The following TENT5A variants were observed in gnomAD, a reference collection of about 807,000 sequenced individuals.
TENT5A encodes terminal nucleotidyltransferase 5A, also known as HBV X-transactivated gene 11 protein.
TENT5A carries 9 observed loss-of-function variants against 30.2 expected under a neutral mutation model. That is an observed-to-expected ratio of 0.30 (90% CI 0.18 to 0.52). The LOEUF is 0.52. Ranked by LOEUF, TENT5A falls within the 20% of genes least tolerant of loss-of-function variation. TENT5A has a pLI of 0.97. For missense variants in TENT5A, 411 were observed against 566.1 expected (o/e 0.73, Z 2.78); for synonymous variants, 264 against 234.2 (o/e 1.13, Z -1.16).
chr6:81,749,180 G>A lies in TENT5A; in HGVS notation c.*515C>T, dbSNP rs1461794765. The A allele has an allele frequency of 1.0e-6, 1 of 985,874 alleles. No individual in the cohort carries two copies. Among genetic ancestry groups the A allele is most frequent in the Non-Finnish European group, 1.2e-6 (1 of 830,052 alleles). 61.1% of individuals were successfully genotyped at this position (985,874 alleles called of 1,614,324 possible). A position where few individuals can be genotyped will look rare whatever the true frequency, so the allele number is the denominator to read the frequency against. On this transcript the variant is annotated 3_prime_UTR_variant, in exon 3 of 3. Coordinates refer to ENST00000320172, the MANE Select transcript of TENT5A (RefSeq NM_017633.3). Reference sequence around the variant, plus strand: ...ATTCCACAGAAAGCACTTGCTACAAGCCTCAGACAGTAATCCCAACGTTGG... The same window carrying A: ...ATTCCACAGAAAGCACTTGCTACAAACCTCAGACAGTAATCCCAACGTTGG...
chr6:81,749,915 A>G lies in TENT5A; in HGVS notation c.1109T>C (p.Met370Thr). The G allele has an allele frequency of 6.2e-7, 1 of 1,614,150 alleles. No individual in the cohort carries two copies. The highest frequency in any genetic ancestry group is 8.5e-7 in the Non-Finnish European group (1 of 1,180,008). The change falls in exon 3 of 3, where the codon ATG (methionine) becomes ACG (threonine). Residue 370 changes from methionine to threonine, a missense_variant. Met to Thr is a moderately conservative substitution (Grantham distance 81). Around this residue, in one of 5 missense-constraint regions of TENT5A, gnomAD observed 135 missense variants for 240.0 expected, o/e 0.56. Coordinates refer to ENST00000320172, the MANE Select transcript of TENT5A (RefSeq NM_017633.3). The part of the protein sequence containing the change: ...GVVNESTVCL[M>T]GHERRQTLNL... ...TAAAGTCTGTCTTCTTTCATGTCCCATCAGGCACACTGTGCTCTCATTTAC... is the reference window on the plus strand; with the variant it reads ...TAAAGTCTGTCTTCTTTCATGTCCCGTCAGGCACACTGTGCTCTCATTTAC...
In TENT5A at chr6:81,751,803, A is replaced by G. The variant is rs3186631; in HGVS notation, c.339T>C (p.Ile113=). Residue 113 remains isoleucine (I), a synonymous_variant, in exon 2 of 3, where the codon ATT becomes ATC. Transcript: ENST00000320172. The part of the protein sequence containing the change: ...VVRRRLAEKR[I]GVRDVRLNGS... Reference sequence around the variant, plus strand: ...CGTTGAGGCGCACGTCGCGGACGCCAATGCGCTTCTCGGCCAGGCGCCGCC... The same window carrying G: ...CGTTGAGGCGCACGTCGCGGACGCCGATGCGCTTCTCGGCCAGGCGCCGCC... 0.079 allele frequency: 126,845 copies of G among 1,612,740 alleles called. 6,365 individuals carry two copies. The highest frequency in any genetic ancestry group is 0.23 in the African/African-American group (17,052 of 74,980).
rs553883265 is a variant in TENT5A, at chr6:81,749,314, T to A, written c.*381A>T. ...CGTATTTTCCCTTTTATGAATTCCA[T>A]CTTAAAAGAAACTTTCCACTTTTTT... On this transcript the variant is annotated 3_prime_UTR_variant, in exon 3 of 3. Transcript: ENST00000320172. The A allele has an allele frequency of 2.0e-5, 20 of 1,006,900 alleles. No individual in the cohort carries two copies. The African/African-American group carries it at 3.1e-4, about 16-fold the overall frequency. The allele number at this position is 1,006,900 out of a possible 1,614,324, so 62.4% of individuals were successfully genotyped here.
chr6:81,751,471 C>A, intron 2 of TENT5A, 119 bp downstream of exon 2: 3 of 914,770 alleles, frequency 3.3e-6, no homozygotes, highest in Non-Finnish European at 3.4e-6. Context: ...AGAAATAACG[C>A]GCGCCCAAAC....
rs974475067 is a variant in TENT5A, at chr6:81,746,328, G to A, written c.*3367C>T. ...AGTTCACAATATTTATTTAACAAGC[G>A]TTGCATTGAAAACAACTTTATGCAC... On this transcript the variant is annotated 3_prime_UTR_variant, in exon 3 of 3. Coordinates refer to ENST00000320172, the MANE Select transcript of TENT5A (RefSeq NM_017633.3). 3.4e-5 allele frequency: 41 copies of A among 1,222,552 alleles called. No homozygotes were observed. In the Admixed American group the frequency reaches 1.0e-3, roughly 31 times the overall value. 75.7% of individuals were successfully genotyped at this position (1,222,552 alleles called of 1,614,324 possible).
chr6:81,752,014 C>CCGAAGTCGCCGCCGG lies in TENT5A; in HGVS notation c.127_128insCCGGCGGCGACTTCG (p.Phe42_Gly43insAlaGlyGlyAspPhe), dbSNP rs779397327. On this transcript the variant is annotated inframe_insertion, in exon 2 of 3. Transcript: ENST00000320172. ...ATGCCCACCGAAGCTGCCGCCACCG[C>CCGAAGTCGCCGCCGG]CGAAGTCGCCGCCGCCGAAGTCGCC... 7.1e-6 allele frequency: 8 copies of CCGAAGTCGCCGCCGG among 1,130,068 alleles called. No homozygotes were observed. The highest frequency in any genetic ancestry group is 1.7e-5 in the South Asian group (1 of 57,440). 70.0% of individuals were successfully genotyped at this position (1,130,068 alleles called of 1,614,324 possible).
Position 81,750,834 on chromosome 6 carries a change from C to G in TENT5A, c.553-363G>C, listed in dbSNP as rs1769015949. 6.6e-6 allele frequency among the ~76,000 whole-genome samples: 1 copy of G among 152,216 alleles called. No individual in the cohort carries two copies. The highest frequency in any genetic ancestry group is 6.5e-5 in the Admixed American group (1 of 15,280). On this transcript the variant is annotated intron_variant, in intron 2 of 2. Transcript: ENST00000320172. The surrounding 1 kb of genome is among the most constrained non-coding windows in gnomAD (Gnocchi z 4.2). ...ACAACATTCAAAAGACTCGGAAGGG[C>G]ATTCAGCGGTAGGTTAGTCAGCCTC...
rs1363970003 is a variant in TENT5A at position 81,750,226 on chromosome 6, G to A, written c.798C>T (p.Gly266=). The change falls in exon 3 of 3, where the codon GGC becomes GGT. Residue 266 remains glycine (G), a synonymous_variant. Transcript: ENST00000320172. The surrounding 1 kb of genome is among the most constrained non-coding windows in gnomAD (Gnocchi z 4.2). ...HPTIIGESVY[G]DFQEAFDHLC... ...GGTGATCAAAGGCTTCCTGGAAATC[G>A]CCATAGACGCTCTCCCCGATTATTG... The A allele has an allele frequency of 5.0e-6, 8 of 1,614,118 alleles. No homozygotes were observed. Among genetic ancestry groups the A allele is most frequent in the Non-Finnish European group, 6.8e-6 (8 of 1,180,014 alleles).
In TENT5A at chr6:81,745,877, G is replaced by A. The variant is rs1418584727; in HGVS notation, c.*3818C>T. The A allele has an allele frequency of 2.7e-5, 27 of 985,344 alleles. No homozygotes were observed. Among genetic ancestry groups the A allele is most frequent in the South Asian group, 4.7e-5 (1 of 21,284 alleles). The allele number at this position is 985,344 out of a possible 1,614,324, so 61.0% of individuals were successfully genotyped here. On this transcript the variant is annotated 3_prime_UTR_variant, in exon 3 of 3. Coordinates refer to ENST00000320172, the MANE Select transcript of TENT5A (RefSeq NM_017633.3). ...CATCAACTCCTTTTCTGCCTGTGACGCAGCCTATAGTCAAAATATTCCAAA... is the reference window on the plus strand; with the variant it reads ...CATCAACTCCTTTTCTGCCTGTGACACAGCCTATAGTCAAAATATTCCAAA...
rs1768908369 is a variant in TENT5A, at chr6:81,747,391, A to C, written c.*2304T>G. The C allele has an allele frequency of 2.0e-6, 2 of 985,784 alleles. No homozygotes were observed. Among genetic ancestry groups the C allele is most frequent in the Admixed American group, 1.2e-4 (2 of 16,266 alleles). 61.1% of individuals were successfully genotyped at this position (985,784 alleles called of 1,614,324 possible). Reference sequence around the variant, plus strand: ...GTGAGGGAGACTGAGCCAAGATGGTAGTAGGAGGAGTTCCTTAGAAAACTG... The same window carrying C: ...GTGAGGGAGACTGAGCCAAGATGGTCGTAGGAGGAGTTCCTTAGAAAACTG... On this transcript the variant is annotated 3_prime_UTR_variant, in exon 3 of 3. Coordinates refer to ENST00000320172, the MANE Select transcript of TENT5A (RefSeq NM_017633.3).
Position 81,750,046 on chromosome 6 carries a change from G to A in TENT5A, c.978C>T (p.Phe326=), listed in dbSNP as rs1481377769. 1 of 1,614,192 alleles carries A rather than the reference G, an allele frequency of 6.2e-7. No individual in the cohort carries two copies. The highest frequency in any genetic ancestry group is 8.5e-7 in the Non-Finnish European group (1 of 1,180,028). ...TTCTCTGCTGCTCTCCAATGTCTGA[G>A]AAGTCGATGAAAAACCTGGAACACA... ...RYMCSRFFID[F]SDIGEQQRKL... Residue 326 remains phenylalanine, a synonymous_variant, in exon 3 of 3, where the codon TTC becomes TTT. Transcript: ENST00000320172. This position sits in a 1 kb window ranked among gnomAD's most constrained non-coding sequence, Gnocchi z 4.2.
Position 81,748,341 on chromosome 6 carries a change from CCAAA to C in TENT5A, c.*1350_*1353del, listed in dbSNP as rs919825857. 4 of 981,558 alleles carry C rather than the reference CCAAA, an allele frequency of 4.1e-6. No individual in the cohort carries two copies. Among genetic ancestry groups the C allele is most frequent in the Admixed American group, 6.3e-5 (1 of 15,884 alleles). 60.8% of individuals were successfully genotyped at this position (981,558 alleles called of 1,614,324 possible). A position where few individuals can be genotyped will look rare whatever the true frequency, so the allele number is the denominator to read the frequency against. ...GTTCAATATAAAAAAGAGTGCTCTG[CCAAA>C]CAAATATTCTCCCATTTGTGGAATT... On this transcript the variant is annotated 3_prime_UTR_variant, in exon 3 of 3. Transcript: ENST00000320172.
rs921563191 is a variant in TENT5A at position 81,752,654 on chromosome 6, C to T, written c.-261G>A. 8 of 717,970 alleles carry T rather than the reference C, an allele frequency of 1.1e-5. No homozygotes were observed. The highest frequency in any genetic ancestry group is 5.2e-5 in the African/African-American group (3 of 57,260). The allele number at this position is 717,970 out of a possible 1,614,324, so 44.5% of individuals were successfully genotyped here. A position where few individuals can be genotyped will look rare whatever the true frequency, so the allele number is the denominator to read the frequency against. ...GGCGGCTCTTGCTGCCACACACGCT[C>T]GTGTCTCTGGAGCTTTAGCAGTTGT... On this transcript the variant is annotated 5_prime_UTR_variant, in exon 1 of 3. Coordinates refer to ENST00000320172, the MANE Select transcript of TENT5A (RefSeq NM_017633.3).
chr6:81,751,569 G>C, intron 2 of TENT5A, 21 bp downstream of exon 2: 1 of 1,582,548 alleles, frequency 6.3e-7, no homozygotes, highest in East Asian at 2.2e-5. Flanking sequence ...CAGGACCCAA[G>C]TGCATCTCGG....
intron 2 of TENT5A, among the ~76,000 whole-genome samples, 190 bp downstream of exon 2, chr6:81,751,400 A>T (rs984624768): frequency 6.6e-6 from 1 of 152,176 alleles, no homozygotes; most frequent in African/African-American, 2.4e-5. Context: ...CATCAAGTAA[A>T]CTGAAACACT....
Position 81,749,645 on chromosome 6 carries a change from C to CT in TENT5A, c.*49dup. Reference sequence around the variant, plus strand: ...TTTTTTTTCTTTTTTTTTTTTTTCTCTCCTGTCTTGTCTGAAATGGCTTCC... The same window carrying CT: ...TTTTTTTTCTTTTTTTTTTTTTTCTCTTCCTGTCTTGTCTGAAATGGCTTCC... On this transcript the variant is annotated 3_prime_UTR_variant, in exon 3 of 3. Transcript: ENST00000320172. 1 of 1,361,586 alleles carries CT rather than the reference C, an allele frequency of 7.3e-7. No homozygotes were observed. Among genetic ancestry groups the CT allele is most frequent in the South Asian group, 1.8e-5 (1 of 55,986 alleles). The allele number at this position is 1,361,586 out of a possible 1,614,324, so 84.3% of individuals were successfully genotyped here.
At position 81,748,386 on chromosome 6, in the gene TENT5A, GA is replaced by G. The variant is rs1171685213; in HGVS notation, c.*1308del. The stretch of plus-strand genomic sequence containing the variant: ...TTGTGGAATTTTATGGCTCACCAAA[GA>G]AAAAAAAAAAAAGAAAAAAAAATCC... On this transcript the variant is annotated 3_prime_UTR_variant, in exon 3 of 3. Transcript: ENST00000320172. The G allele has an allele frequency of 0.052, 32,014 of 621,132 alleles. 12 individuals carry two copies. The highest frequency in any genetic ancestry group is 0.059 in the African/African-American group (1,903 of 32,296). The allele number at this position is 621,132 out of a possible 1,614,324, so 38.5% of individuals were successfully genotyped here.
In TENT5A at chr6:81,751,953, G is replaced by A. The variant is rs1310109473; in HGVS notation, c.189C>T (p.Cys63=). 3.1e-6 allele frequency: 5 copies of A among 1,612,140 alleles called. No homozygotes were observed. In the South Asian group the frequency reaches 4.4e-5, roughly 14 times the overall value. The part of the protein sequence containing the change: ...LDYCESPTAH[C]NVLNWEQVQR... ...GCACTTGCTCCCAGTTCAGCACATT[G>A]CAGTGCGCCGTAGGGCTTTCGCAAT... The change falls in exon 2 of 3, where the codon TGC becomes TGT. Residue 63 remains cysteine, a synonymous_variant. Coordinates refer to ENST00000320172, the MANE Select transcript of TENT5A (RefSeq NM_017633.3).
chr6:81,749,260 C>T lies in TENT5A; in HGVS notation c.*435G>A. 7 of 990,604 alleles carry T rather than the reference C, an allele frequency of 7.1e-6. No homozygotes were observed. The highest frequency in any genetic ancestry group is 8.4e-6 in the Non-Finnish European group (7 of 833,446). 61.4% of individuals were successfully genotyped at this position (990,604 alleles called of 1,614,324 possible). A position where few individuals can be genotyped will look rare whatever the true frequency, so the allele number is the denominator to read the frequency against. ...TAATATCTGAACTCCTAAACTGATT[C>T]ACAAGTTGGAGTGAGACCTTTTTTC... On this transcript the variant is annotated 3_prime_UTR_variant, in exon 3 of 3. Transcript: ENST00000320172.
Sources: gnomAD v4.1 joint callset for allele counts (sites outside exome capture counted in the v4.1 genomes callset) on GRCh38, gnomAD v4.1.1 for gene constraint, gnomAD v4.1.1 regional missense constraint, Gnocchi (gnomAD v3.1) non-coding constraint, MANE v1.5 for transcripts, NCBI Gene and HGNC (gene_info 2026-07-23, HGNC 2026-07-21) for gene names.